The following BCL7C variants were observed in gnomAD, a reference collection of about 807,000 sequenced individuals.
BCL7C encodes B-cell CLL/lymphoma 7 protein family member C.
In BCL7C, 8 loss-of-function variants were observed where a neutral mutation model predicts 26.2. The observed-to-expected ratio is 0.30, with a 90% CI of 0.18 to 0.55. The LOEUF (loss-of-function observed/expected upper bound fraction) is 0.55, where lower values mean the gene tolerates loss of function less well. BCL7C is among the 20% of genes least tolerant of loss of function. BCL7C has a pLI of 0.93. For synonymous variants in BCL7C, 90 were observed against 116.5 expected (o/e 0.77, Z 1.47); for missense variants, 262 against 298.5 (o/e 0.88, Z 0.90).
chr16:30,844,041 CAAAAAAAAAAA>C (rs533064710), intron 5 of BCL7C, among the ~76,000 whole-genome samples: 15 of 24,386 alleles, frequency 6.2e-4, no homozygotes, highest in South Asian at 5.9e-3. Flanking sequence ...GACTCTGCCT[CAAAAAAAAAAA>C]AAAAAAAAAA....
intron 5 of BCL7C, chr16:30,875,820 G>A (rs1411685897): frequency 1.3e-5 from 2 of 152,214 alleles, no homozygotes; most frequent in African/African-American, 4.8e-5. Flanking sequence ...GCCATCCTCT[G>A]CACTTGGTTC....
chr16:30,874,747 A>C (rs2054921051), intron 5 of BCL7C, among the ~76,000 whole-genome samples: 1 of 152,320 alleles, frequency 6.6e-6, no homozygotes, highest in East Asian at 1.9e-4. Context: ...TTCCCGACTG[A>C]GCCACAGACC....
At position 30,893,224 on chromosome 16, in the gene BCL7C, A is replaced by T; in HGVS notation, c.159T>A (p.Asp53Glu). 6.2e-7 allele frequency: 1 copy of T among 1,613,298 alleles called. No homozygotes were observed. Among genetic ancestry groups the T allele is most frequent in the South Asian group, 1.1e-5 (1 of 91,036 alleles). ...LRIFKWVPVVDPQEEERRRAG... is the reference protein window; with the variant it reads ...LRIFKWVPVVEPQEEERRRAG... ...GGGGGTTGCTCACCTCCTCCTGGGG[A>T]TCCACCACTGGCACCCACTTGAAGA... Residue 53 changes from aspartate (D) to glutamate (E), a missense_variant, in exon 2 of 6, where the codon GAT becomes GAA. Asp to Glu is a conservative substitution (Grantham distance 45). Transcript: ENST00000215115. The surrounding 1 kb of genome is among the most constrained non-coding windows in gnomAD (Gnocchi z 5.2).
At chr16:30,854,564 A>G (rs530400189) in intron 5 of BCL7C, among the ~76,000 whole-genome samples, 2 of 152,196 alleles carry the variant, frequency 1.3e-5, no homozygotes, top group Non-Finnish European at 2.9e-5. Flanking sequence ...TCTCTTAGGC[A>G]TCCATTTTCA....
At position 30,893,641 on chromosome 16, in the gene BCL7C, T is replaced by C. The variant is rs535398440; in HGVS notation, c.92+212A>G. ...TAGGGGGCGGGGCACAAGAGGGGGC[T>C]CCCGCTCTGGGAGGACACGGCTGGG... is the stretch of plus-strand genomic sequence containing the variant. On this transcript the variant is annotated intron_variant, in intron 1 of 5. Transcript: ENST00000215115. This position sits in a 1 kb window ranked among gnomAD's most constrained non-coding sequence, Gnocchi z 5.2. Among the ~76,000 whole-genome samples, 1 of 151,986 alleles carries C rather than the reference T, an allele frequency of 6.6e-6. No individual in the cohort carries two copies. Among genetic ancestry groups the C allele is most frequent in the South Asian group, 2.1e-4 (1 of 4,818 alleles).
At position 30,893,378 on chromosome 16, in the gene BCL7C, G is replaced by T; in HGVS notation, c.93-88C>A. 1 of 1,000,052 alleles carries T rather than the reference G, an allele frequency of 1.0e-6. No individual in the cohort carries two copies. Among genetic ancestry groups the T allele is most frequent in the South Asian group, 1.5e-5 (1 of 67,380 alleles). 61.9% of individuals were successfully genotyped at this position (1,000,052 alleles called of 1,614,324 possible). On this transcript the variant is annotated intron_variant, in intron 1 of 5. Coordinates refer to ENST00000215115, the MANE Select transcript of BCL7C (RefSeq NM_004765.4). The surrounding 1 kb of genome is among the most constrained non-coding windows in gnomAD (Gnocchi z 5.2). ...GGACACATCTGGGGGTACCTGCAGA[G>T]GTTGAGGAGGCACAGGAGGATAGCA... is the stretch of plus-strand genomic sequence containing the variant.
At position 30,892,992 on chromosome 16, in the gene BCL7C, C is replaced by G. The variant is rs1395266698; in HGVS notation, c.172-44G>C. ...GGGTCAGAGCTCTTGGAAAGCCCCACCATACACCTAAGGAAACTGAGGCAC... is the reference window on the plus strand; with the variant it reads ...GGGTCAGAGCTCTTGGAAAGCCCCAGCATACACCTAAGGAAACTGAGGCAC... On this transcript the variant is annotated intron_variant, in intron 2 of 5. Transcript: ENST00000215115. 6.4e-6 allele frequency: 10 copies of G among 1,556,962 alleles called. No individual in the cohort carries two copies. In the African/African-American group the frequency reaches 1.2e-4, roughly 19 times the overall value.
At chr16:30,864,840 A>G (rs866188152) in intron 5 of BCL7C, among the ~76,000 whole-genome samples, 1 of 102,990 alleles carries the variant, frequency 9.7e-6, no homozygotes, top group Non-Finnish European at 2.0e-5. Flanking sequence ...TCTCCCCCCC[A>G]CCCCCACCCC....
intron 5 of BCL7C, among the ~76,000 whole-genome samples, chr16:30,854,731 C>T (rs2054705181): frequency 7.5e-6 from 1 of 132,750 alleles, no homozygotes; most frequent in Non-Finnish European, 1.6e-5. Context: ...TTCTGAGAAA[C>T]AGTCTCGCTC....
intron 5 of BCL7C, among the ~76,000 whole-genome samples, chr16:30,867,861 G>C (rs1196294360): frequency 6.6e-6 from 1 of 152,076 alleles, no homozygotes; most frequent in Non-Finnish European, 1.5e-5. Context: ...TGTGATTGTG[G>C]AAGAATGGTC....
chr16:30,852,358 C>G (rs1410511201), intron 5 of BCL7C: 1 of 151,708 alleles, frequency 6.6e-6, no homozygotes, highest in East Asian at 1.9e-4. Context: ...AGTAATGAGT[C>G]ATTAAAAAAA....
At position 30,893,992 on chromosome 16, in the gene BCL7C, C is replaced by T; in HGVS notation, c.-48G>A. ...CCGAGCCCGCGGCGGGGCCGCCTCC[C>T]GTCCGGCGGGCTCAGGCTCCGCGCC... On this transcript the variant is annotated 5_prime_UTR_variant, in exon 1 of 6. Transcript: ENST00000215115. This position sits in a 1 kb window ranked among gnomAD's most constrained non-coding sequence, Gnocchi z 5.2. The T allele has an allele frequency of 1.9e-6, 2 of 1,055,712 alleles. No homozygotes were observed. Among genetic ancestry groups the T allele is most frequent in the Non-Finnish European group, 2.4e-6 (2 of 845,580 alleles). The allele number at this position is 1,055,712 out of a possible 1,614,324, so 65.4% of individuals were successfully genotyped here.
At position 30,871,686 on chromosome 16, in the gene BCL7C, T is replaced by C. The variant is rs544106658; in HGVS notation, c.528+17174A>G. The stretch of plus-strand genomic sequence containing the variant: ...TTTTAGTAGAGACAGGGTTTCACCA[T>C]GTTGGCCAGGCTGGTCTTGAACTCC... On this transcript the variant is annotated intron_variant, in intron 5 of 5. Transcript: ENST00000380317. Among the ~76,000 whole-genome samples the C allele has an allele frequency of 2.5e-4, 38 of 152,268 alleles. No individual in the cohort carries two copies. The South Asian group carries it at 7.5e-3, about 30-fold the overall frequency.
Position 30,892,646 on chromosome 16 carries a change from C to T in BCL7C, c.382G>A (p.Ala128Thr). ...TPQPSRPVSPAGPPEGVPEEA... is the reference protein window; with the variant it reads ...TPQPSRPVSPTGPPEGVPEEA... ...TCAGGGACCCCTTCTGGGGGTCCGG[C>T]AGGTGACACAGGGCGGCTGGGCTGG... Residue 128 changes from alanine (A) to threonine (T), a missense_variant, in exon 4 of 6, where the codon GCC (alanine) becomes ACC (threonine). Transcript: ENST00000215115. 1 of 1,612,498 alleles carries T rather than the reference C, an allele frequency of 6.2e-7. No individual in the cohort carries two copies. Among genetic ancestry groups the T allele is most frequent in the Middle Eastern group, 1.7e-4 (1 of 6,046 alleles).
At position 30,868,129 on chromosome 16, in the gene BCL7C, G is replaced by GTTT. The variant is rs11404665; in HGVS notation, c.528+20728_528+20730dup. Among the ~76,000 whole-genome samples, 47 of 131,626 alleles carry GTTT rather than the reference G, an allele frequency of 3.6e-4. 3 individuals carry two copies. Among genetic ancestry groups the GTTT allele is most frequent in the African/African-American group, 8.7e-4 (30 of 34,592 alleles). 86.4% of individuals were successfully genotyped at this position (131,626 alleles called of 152,430 possible). A position where few individuals can be genotyped will look rare whatever the true frequency, so the allele number is the denominator to read the frequency against. ...GAATTGTAATATGATAAATCTGTGGGTTTTTTTTTTTTTTTTGAGACAGAG... is the reference window on the plus strand; with the variant it reads ...GAATTGTAATATGATAAATCTGTGGGTTTTTTTTTTTTTTTTTTTGAGACAGAG... On this transcript the variant is annotated intron_variant, in intron 5 of 5. Transcript: ENST00000380317.
downstream of BCL7C, among the ~76,000 whole-genome samples, chr16:30,884,271 G>A (rs1358100854): frequency 6.6e-6 from 1 of 152,014 alleles, no homozygotes; most frequent in African/African-American, 2.4e-5. Flanking sequence ...AGGCTGCTCA[G>A]AAATGGACAC....
chr16:30,893,538 G>A lies in BCL7C; in HGVS notation c.93-248C>T, dbSNP rs1024735101. On this transcript the variant is annotated intron_variant, in intron 1 of 5. Transcript: ENST00000215115. This position sits in a 1 kb window ranked among gnomAD's most constrained non-coding sequence, Gnocchi z 5.2. ...TGCGGACCCCTGGGGCACACATGGGGGGCGTGGCTATGGGCCTGGCCCGGG... is the reference window on the plus strand; with the variant it reads ...TGCGGACCCCTGGGGCACACATGGGAGGCGTGGCTATGGGCCTGGCCCGGG... Among the ~76,000 whole-genome samples the A allele has an allele frequency of 2.6e-5, 4 of 152,104 alleles. No homozygotes were observed. The highest frequency in any genetic ancestry group is 9.7e-5 in the African/African-American group (4 of 41,414).
downstream of BCL7C, among the ~76,000 whole-genome samples, chr16:30,885,873 A>C (rs189076469): frequency 1.8e-4 from 28 of 152,280 alleles, no homozygotes; most frequent in East Asian, 5.2e-3. Context: ...TTGTTTAGAC[A>C]CAGGGTCTTG....
chr16:30,843,782 G>A (rs549777296), intron 5 of BCL7C, among the ~76,000 whole-genome samples: 2 of 152,090 alleles, frequency 1.3e-5, no homozygotes, highest in Admixed American at 6.5e-5. Flanking sequence ...GGTCATGCCT[G>A]TAATTCCAGG....
Sources: gnomAD v4.1 joint callset for allele counts (sites outside exome capture counted in the v4.1 genomes callset) on GRCh38, gnomAD v4.1.1 for gene constraint, Gnocchi (gnomAD v3.1) non-coding constraint, MANE v1.5 for transcripts, NCBI Gene and HGNC (gene_info 2026-07-23, HGNC 2026-07-21) for gene names.